Variants in PRORP observed in about 807,000 individuals in gnomAD.
PRORP encodes the protein mitochondrial ribonuclease P catalytic subunit.
In PRORP, 51 loss-of-function variants were observed where a neutral mutation model predicts 59.4. The ratio of observed to expected loss-of-function variants is 0.86; its 90% CI spans 0.69 to 1.08. The LOEUF is 1.08. Among genes scored for constraint, PRORP ranks in the 50% least tolerant of loss-of-function variants. The probability of loss-of-function intolerance (pLI) is 0.00; values close to 1 mark genes in which losing one functional copy is unlikely to be tolerated. For synonymous variants in PRORP, 231 were observed against 245.6 expected (o/e 0.94, Z 0.55); for missense variants, 646 against 690.3 (o/e 0.94, Z 0.72).
At position 35,142,846 on chromosome 14, in the gene PRORP, C is replaced by CAA. The variant is rs540463728; in HGVS notation, c.1167+15247_1167+15248dup. On this transcript the variant is annotated intron_variant, in intron 4 of 7. Transcript: ENST00000534898. ...AGGTGACAGAGTGAGACTCTTGTCT[C>CAA]AAAAAAAAAAAAATTGTAAAGATGG... Among the ~76,000 whole-genome samples the CAA allele has an allele frequency of 1.1e-4, 14 of 129,684 alleles. 1 individual carries two copies. The highest frequency in any genetic ancestry group is 1.5e-4 in the Non-Finnish European group (9 of 59,486). 85.1% of individuals were successfully genotyped at this position (129,684 alleles called of 152,430 possible). A position where few individuals can be genotyped will look rare whatever the true frequency, so the allele number is the denominator to read the frequency against.
At chr14:35,198,037 C>A (rs564828843) in intron 5 of PRORP, among the ~76,000 whole-genome samples, 1 of 152,262 alleles carries the variant, frequency 6.6e-6, no homozygotes, top group South Asian at 2.1e-4. Flanking sequence ...ATAAACATTT[C>A]TCTTTCCTAA....
chr14:35,265,678 T>C (rs907072514), intron 5 of PRORP, among the ~76,000 whole-genome samples: 1 of 152,200 alleles, frequency 6.6e-6, no homozygotes, highest in African/African-American at 2.4e-5. Flanking sequence ...GAAAAGTCAC[T>C]GTCTAGTCTA....
intron 4 of PRORP, among the ~76,000 whole-genome samples, chr14:35,163,506 C>T (rs2048112785): frequency 6.6e-6 from 1 of 152,120 alleles, no homozygotes; most frequent in Non-Finnish European, 1.5e-5. Context: ...CTGCATTTCT[C>T]TGATGATTAG....
intron 3 of PRORP, 132 bp downstream of exon 3, chr14:35,126,914 A>G (rs1241402511): frequency 4.4e-6 from 3 of 685,004 alleles, no homozygotes; most frequent in Admixed American, 5.8e-5. Context: ...ATCTGAGGAA[A>G]AAAACATACT....
chr14:35,129,600 G>A (rs2047185165), intron 4 of PRORP, among the ~76,000 whole-genome samples: 1 of 150,838 alleles, frequency 6.6e-6, no homozygotes, highest in Non-Finnish European at 1.5e-5. Context: ...TCAGCCTCTT[G>A]AGTAACTGGA....
chr14:35,144,124 G>A (rs1372741340), intron 4 of PRORP: 2 of 150,498 alleles, frequency 1.3e-5, no homozygotes, highest in African/African-American at 2.4e-5. Flanking sequence ...GGTGTTGATC[G>A]TGGTCATGTC....
chr14:35,135,100 G>A (rs2047340698), intron 4 of PRORP, among the ~76,000 whole-genome samples: 1 of 152,158 alleles, frequency 6.6e-6, no homozygotes, highest in African/African-American at 2.4e-5. Flanking sequence ...CACAATTGCT[G>A]CACTCTCCCT....
chr14:35,180,877 T>A, intron 5 of PRORP, 100 bp downstream of exon 5: 1 of 751,398 alleles, frequency 1.3e-6, no homozygotes. Context: ...TTTTTCTTCC[T>A]CTAAAACTAA....
rs114464906 is a variant in PRORP, at chr14:35,201,164, G to A, written c.1275+20387G>A. Among the ~76,000 whole-genome samples the A allele has an allele frequency of 5.5e-3, 839 of 152,326 alleles. 8 individuals carry two copies. Among genetic ancestry groups the A allele is most frequent in the African/African-American group, 0.019 (787 of 41,582 alleles). ...CCATTCTCGTCATACCATATCAAAA[G>A]TAGATAGTATCAACATGACTTATCA... is the stretch of plus-strand genomic sequence containing the variant. On this transcript the variant is annotated intron_variant, in intron 5 of 7. Coordinates refer to ENST00000534898, the MANE Select transcript of PRORP (RefSeq NM_014672.4).
At chr14:35,245,672 A>G (rs1003145677) in intron 5 of PRORP, among the ~76,000 whole-genome samples, 19 of 152,022 alleles carry the variant, frequency 1.2e-4, no homozygotes, top group African/African-American at 4.6e-4. Context: ...GATGGCAGTG[A>G]GGATCTTGGT....
intron 6 of PRORP, among the ~76,000 whole-genome samples, chr14:35,267,454 A>G (rs772784580): frequency 2.0e-5 from 3 of 152,028 alleles, no homozygotes; most frequent in Non-Finnish European, 4.4e-5. Flanking sequence ...AGAAATGGGG[A>G]GAGGTGGTGG....
chr14:35,227,398 C>T (rs1046750549), intron 5 of PRORP, among the ~76,000 whole-genome samples: 4 of 151,520 alleles, frequency 2.6e-5, no homozygotes, highest in Admixed American at 6.6e-5. Context: ...GAGCTGAGAT[C>T]GCACCACTGC....
rs117965450 is a variant in PRORP at position 35,268,219 on chromosome 14, C to T, written c.1424+1344C>T. ...ATTAGCCAGATGTGGTGGCACACGC[C>T]TTGTAGTCCCAGGTACTCGGGAGGC... On this transcript the variant is annotated intron_variant, in intron 6 of 7. Coordinates refer to ENST00000534898, the MANE Select transcript of PRORP (RefSeq NM_014672.4). 7.0e-3 allele frequency among the ~76,000 whole-genome samples: 1,064 copies of T among 151,940 alleles called. 2 individuals are homozygous for T. The highest frequency in any genetic ancestry group is 0.012 in the Non-Finnish European group (843 of 67,964).
At chr14:35,146,227 C>T (rs1168545894) in intron 4 of PRORP, among the ~76,000 whole-genome samples, 2 of 152,106 alleles carry the variant, frequency 1.3e-5, no homozygotes, top group Non-Finnish European at 1.5e-5. Context: ...ATTTAGGATT[C>T]TCCTTTCTGG....
At chr14:35,234,558 G>A (rs1328245181) in intron 5 of PRORP, among the ~76,000 whole-genome samples, 1 of 151,964 alleles carries the variant, frequency 6.6e-6, no homozygotes, top group Non-Finnish European at 1.5e-5. Context: ...GAGACACAAA[G>A]GCTCCTACGC....
Position 35,136,505 on chromosome 14 carries a change from G to A in PRORP, c.1167+8894G>A, listed in dbSNP as rs148856694. ...TTCTCCTGTCTCAGCCGCCTGAGTAGCTGGGATTACAGGCATGCACCACCA... is the reference window on the plus strand; with the variant it reads ...TTCTCCTGTCTCAGCCGCCTGAGTAACTGGGATTACAGGCATGCACCACCA... On this transcript the variant is annotated intron_variant, in intron 4 of 7. Transcript: ENST00000534898. 7.6e-4 allele frequency among the ~76,000 whole-genome samples: 111 copies of A among 145,222 alleles called. 4 individuals are homozygous for A. The highest frequency in any genetic ancestry group is 2.6e-3 in the African/African-American group (108 of 41,058).
intron 5 of PRORP, among the ~76,000 whole-genome samples, chr14:35,215,955 C>T (rs1433451660): frequency 6.6e-6 from 1 of 151,318 alleles, no homozygotes; most frequent in African/African-American, 2.4e-5. Context: ...TTAGTAGAGA[C>T]CGGGTTTCAC....
At chr14:35,256,736 A>G (rs1258527016) in intron 5 of PRORP, among the ~76,000 whole-genome samples, 3 of 152,166 alleles carry the variant, frequency 2.0e-5, no homozygotes, top group Admixed American at 6.5e-5. Flanking sequence ...GAGAGAAGGA[A>G]GTGAATTGGT....
At chr14:35,185,759 G>T (rs2139060120) in intron 5 of PRORP, among the ~76,000 whole-genome samples, 1 of 152,288 alleles carries the variant, frequency 6.6e-6, no homozygotes, top group East Asian at 1.9e-4. Flanking sequence ...AAGGAGAGTG[G>T]TGTGTAATAT....
Sources: allele counts gnomAD v4.1 joint callset (sites outside exome capture counted in the v4.1 genomes callset), GRCh38; gene constraint gnomAD v4.1.1; transcripts MANE v1.5; gene names NCBI Gene and HGNC (gene_info 2026-07-23, HGNC 2026-07-21).